The following GRM5 variants were observed in gnomAD, a reference collection of about 807,000 sequenced individuals.
GRM5 encodes metabotropic glutamate receptor 5.
In GRM5, 19 loss-of-function variants were observed where a neutral mutation model predicts 83.1. That is an observed-to-expected ratio of 0.23 (90% confidence interval 0.16 to 0.34). GRM5 has a LOEUF of 0.34. Ranked by LOEUF, GRM5 falls within the 10% of genes least tolerant of loss-of-function variation. The probability of loss-of-function intolerance (pLI) is 1.00; values close to 1 mark genes in which losing one functional copy is unlikely to be tolerated. For synonymous variants in GRM5, 675 were observed against 633.6 expected (o/e 1.07, Z -0.98); for missense variants, 1,160 against 1,588.3 (o/e 0.73, Z 4.58).
chr11:88,753,885 A>G (rs536335109), intron 3 of GRM5, among the ~76,000 whole-genome samples: 7 of 152,148 alleles, frequency 4.6e-5, no homozygotes, highest in Non-Finnish European at 8.8e-5. Flanking sequence ...ACAAGAAAAA[A>G]GAGCTTGAGC....
chr11:88,934,900 A>G (rs1427614026), intron 2 of GRM5, among the ~76,000 whole-genome samples: 10 of 151,936 alleles, frequency 6.6e-5, no homozygotes, highest in Non-Finnish European at 1.3e-4. Flanking sequence ...GTCAATAGAC[A>G]ATAAGGTTTG....
intron 3 of GRM5, among the ~76,000 whole-genome samples, chr11:88,828,183 G>T (rs1329516104): frequency 6.6e-6 from 1 of 152,168 alleles, no homozygotes; most frequent in African/African-American, 2.4e-5. Context: ...GGATGAGAAA[G>T]GCAGAAGAGG....
intron 3 of GRM5, among the ~76,000 whole-genome samples, chr11:88,780,483 T>G (rs948610872): frequency 1.3e-5 from 2 of 152,084 alleles, no homozygotes; most frequent in African/African-American, 4.8e-5. Context: ...TACCTTAGCT[T>G]GTGGGTGAGT....
intron 7 of GRM5, among the ~76,000 whole-genome samples, chr11:88,583,586 A>T (rs899040816): frequency 5.3e-5 from 8 of 152,146 alleles, no homozygotes; most frequent in Non-Finnish European, 1.2e-4. Flanking sequence ...TACTTAGTTT[A>T]TTGGAAGGTT....
chr11:88,846,902 A>T (rs1337031025), intron 3 of GRM5, among the ~76,000 whole-genome samples: 6 of 152,156 alleles, frequency 3.9e-5, no homozygotes, highest in Non-Finnish European at 8.8e-5. Flanking sequence ...CTAAAATTTT[A>T]AAAAAATAAA....
At chr11:88,774,498 T>C (rs543382891) in intron 3 of GRM5, among the ~76,000 whole-genome samples, 1 of 152,088 alleles carries the variant, frequency 6.6e-6, no homozygotes, top group Non-Finnish European at 1.5e-5. Context: ...TGAATAGGAG[T>C]GGTGAGAGAG....
intron 9 of GRM5, chr11:88,523,013 G>C: frequency 6.6e-6 from 1 of 152,080 alleles, no homozygotes; most frequent in East Asian, 1.9e-4. Context: ...TACCCTCTCT[G>C]TCCCTTTCCC....
chr11:88,875,173 C>T (rs1944830989), intron 2 of GRM5, among the ~76,000 whole-genome samples: 1 of 151,388 alleles, frequency 6.6e-6, no homozygotes, highest in Non-Finnish European at 1.5e-5. Flanking sequence ...AAATTGGAGT[C>T]AATACACTAA....
At chr11:88,649,286 TAATACATA>T (rs1939562740) in intron 4 of GRM5, among the ~76,000 whole-genome samples, 1 of 56,020 alleles carries the variant, frequency 1.8e-5, no homozygotes, top group South Asian at 9.7e-4. Flanking sequence ...TATATATATG[TAATACATA>T]TATATTATAC....
intron 2 of GRM5, among the ~76,000 whole-genome samples, chr11:88,908,479 C>T (rs1253939466): frequency 1.3e-5 from 2 of 152,060 alleles, no homozygotes; most frequent in African/African-American, 4.8e-5. Flanking sequence ...TCACATATAG[C>T]CCCCAGAATA....
rs192967922 is a variant in GRM5, at chr11:88,949,694, T to G, written c.661+97518A>C. 1.4e-4 allele frequency among the ~76,000 whole-genome samples: 21 copies of G among 152,304 alleles called. No homozygotes were observed. The East Asian group carries it at 4.0e-3, about 29-fold the overall frequency. On this transcript the variant is annotated intron_variant, in intron 2 of 9. Coordinates refer to ENST00000305447, the MANE Select transcript of GRM5 (RefSeq NM_001143831.3). Reference sequence around the variant, plus strand: ...GTAAGGAAATCTTTGAAATATATTATTTTGAACATTATTATGAATGCATAA... The same window carrying G: ...GTAAGGAAATCTTTGAAATATATTAGTTTGAACATTATTATGAATGCATAA...
At chr11:88,552,953 A>G (rs1239996985) in intron 8 of GRM5, among the ~76,000 whole-genome samples, 3 of 152,194 alleles carry the variant, frequency 2.0e-5, no homozygotes, top group African/African-American at 2.4e-5. Context: ...TTGAAGGTGA[A>G]AAAGACAGCC....
rs61456975 is a variant in GRM5, at chr11:88,885,450, GTT to G, written c.662-35297_662-35296del. On this transcript the variant is annotated intron_variant, in intron 2 of 9. Transcript: ENST00000305447. ...TTCTGAATTCTATAGTAGGTACCAT[GTT>G]TTTTTTTTTTTTTTTTTTTTTTTTT... Among the ~76,000 whole-genome samples, 97 of 62,648 alleles carry G rather than the reference GTT, an allele frequency of 1.5e-3. 13 individuals carry two copies. The highest frequency in any genetic ancestry group is 4.2e-3 in the African/African-American group (71 of 16,882). 41.1% of individuals were successfully genotyped at this position (62,648 alleles called of 152,430 possible).
At chr11:88,930,997 G>A (rs889798807) in intron 2 of GRM5, among the ~76,000 whole-genome samples, 3 of 151,932 alleles carry the variant, frequency 2.0e-5, no homozygotes, top group Non-Finnish European at 4.4e-5. Context: ...TTCTAGAGGT[G>A]GAAAGTATAC....
At chr11:88,575,415 ATTTAT>A (rs60953957) in intron 7 of GRM5, among the ~76,000 whole-genome samples, 19,722 of 151,610 alleles carry the variant, frequency 0.13, 1,673 homozygotes, top group African/African-American at 0.24. Flanking sequence ...TAACTTATTT[ATTTAT>A]TTTATCTTTG....
At chr11:88,972,952 A>G (rs1939212716) in intron 2 of GRM5, among the ~76,000 whole-genome samples, 2 of 152,186 alleles carry the variant, frequency 1.3e-5, no homozygotes, top group South Asian at 4.1e-4. Flanking sequence ...AACAAACATT[A>G]CAAATGGAGT....
At chr11:88,845,277 T>C (rs185799624) in intron 3 of GRM5, among the ~76,000 whole-genome samples, 18 of 150,376 alleles carry the variant, frequency 1.2e-4, no homozygotes, top group Non-Finnish European at 1.0e-4. Context: ...GACCCTCAAC[T>C]AGCAAAAAGA....
intron 2 of GRM5, among the ~76,000 whole-genome samples, chr11:89,028,950 C>T (rs569928334): frequency 1.3e-5 from 2 of 152,036 alleles, no homozygotes; most frequent in Admixed American, 6.6e-5. Context: ...CCCCCACCCC[C>T]CTACGTACCC....
In GRM5 at chr11:88,804,566, T is replaced by C. The variant is rs752668312; in HGVS notation, c.911+45340A>G. Among the ~76,000 whole-genome samples, 8 of 151,620 alleles carry C rather than the reference T, an allele frequency of 5.3e-5. 1 individual carries two copies. The highest frequency in any genetic ancestry group is 1.2e-4 in the Non-Finnish European group (8 of 67,936). On this transcript the variant is annotated intron_variant, in intron 3 of 9. Coordinates refer to ENST00000305447, the MANE Select transcript of GRM5 (RefSeq NM_001143831.3). ...TGGCGGGAGCGGGGAGGGATAGCTT[T>C]AGTAGTTATACCTAATGCTAAATGA...
Sources: allele counts gnomAD v4.1 joint callset (sites outside exome capture counted in the v4.1 genomes callset), GRCh38; gene constraint gnomAD v4.1.1; transcripts MANE v1.5; gene names NCBI Gene and HGNC (gene_info 2026-07-23, HGNC 2026-07-21).